The following DRD3 variants were observed in gnomAD, a reference collection of about 807,000 sequenced individuals.
DRD3 encodes the protein D(3) dopamine receptor.
DRD3 carries 19 observed loss-of-function variants against 36.3 expected under a neutral mutation model. The observed-to-expected ratio is 0.52, with a 90% CI of 0.36 to 0.77. The LOEUF is 0.77. DRD3 is among the 30% of genes least tolerant of loss of function. The pLI is 0.00. For missense variants in DRD3, 465 were observed against 505.3 expected (o/e 0.92, Z 0.77); for synonymous variants, 195 against 203.7 (o/e 0.96, Z 0.36).
chr3:114,179,795 A>G (rs2077936022), upstream of DRD3, among the ~76,000 whole-genome samples: 1 of 152,114 alleles, frequency 6.6e-6, no homozygotes, highest in South Asian at 2.1e-4. Context: ...CTCTTGTTTG[A>G]CTATGATGGA....
At chr3:114,142,651 A>G (rs1206509757) in intron 4 of DRD3, among the ~76,000 whole-genome samples, 1 of 152,202 alleles carries the variant, frequency 6.6e-6, no homozygotes, top group Non-Finnish European at 1.5e-5. Context: ...CTGGGGTAGA[A>G]GGGAGACCTA....
At chr3:114,189,077 C>T (rs898706881) in intron 1 of DRD3, among the ~76,000 whole-genome samples, 2 of 152,170 alleles carry the variant, frequency 1.3e-5, no homozygotes, top group African/African-American at 4.8e-5. Context: ...ATTTTATAGT[C>T]TATCTTTACC....
chr3:114,192,933 G>A (rs757592848), intron 1 of DRD3, among the ~76,000 whole-genome samples: 4 of 151,860 alleles, frequency 2.6e-5, no homozygotes, highest in South Asian at 4.2e-4. Context: ...ACCCCACTTC[G>A]TCTTTCCTAT....
chr3:114,147,338 C>A, intron 4 of DRD3, 77 bp downstream of exon 4: 1 of 1,559,438 alleles, frequency 6.4e-7, no homozygotes. Flanking sequence ...AATTGCAGGG[C>A]TGAGCACAAC....
chr3:114,182,487 T>C (rs2077953344), upstream of DRD3, among the ~76,000 whole-genome samples: 1 of 152,122 alleles, frequency 6.6e-6, no homozygotes, highest in African/African-American at 2.4e-5. Flanking sequence ...TAGTGGTTTT[T>C]TATATCTGCA....
intron 1 of DRD3, among the ~76,000 whole-genome samples, chr3:114,193,799 A>G (rs1030778003): frequency 3.9e-5 from 6 of 152,234 alleles, no homozygotes; most frequent in Non-Finnish European, 5.9e-5. Flanking sequence ...ATTAAAATAA[A>G]CATCTTAATT....
chr3:114,152,675 G>A (rs776644110), intron 3 of DRD3, among the ~76,000 whole-genome samples: 1 of 152,220 alleles, frequency 6.6e-6, no homozygotes. Context: ...TCACCTGGGG[G>A]CTCTCCAGGC....
At chr3:114,197,858 A>C (rs575302160) in intron 1 of DRD3, among the ~76,000 whole-genome samples, 2 of 152,268 alleles carry the variant, frequency 1.3e-5, no homozygotes, top group African/African-American at 2.4e-5. Flanking sequence ...ATATGTCTTC[A>C]AGTCAGGTGA....
chr3:114,142,624 T>G (rs534742200), intron 4 of DRD3, among the ~76,000 whole-genome samples: 2 of 152,302 alleles, frequency 1.3e-5, no homozygotes, highest in Admixed American at 1.3e-4. Flanking sequence ...GGGAGGGAGA[T>G]GGGAGAATGT....
chr3:114,142,142 TG>T (rs1436665141), intron 4 of DRD3, among the ~76,000 whole-genome samples: 7 of 135,254 alleles, frequency 5.2e-5, no homozygotes, highest in African/African-American at 1.4e-4. Flanking sequence ...TATTTGGGGG[TG>T]ATGGAGTTGG....
At chr3:114,142,429 T>C (rs2077534309) in intron 4 of DRD3, among the ~76,000 whole-genome samples, 3 of 152,308 alleles carry the variant, frequency 2.0e-5, no homozygotes, top group Admixed American at 1.3e-4. Context: ...CTCTGGGTTC[T>C]GGGAGGCTGA....
rs576444084 is a variant in DRD3, at chr3:114,137,327, G to T, written c.723+2173C>A. Among the ~76,000 whole-genome samples the T allele has an allele frequency of 5.3e-5, 8 of 152,340 alleles. No individual in the cohort carries two copies. The South Asian group carries it at 1.7e-3, about 32-fold the overall frequency. On this transcript the variant is annotated intron_variant, in intron 5 of 6. Coordinates refer to ENST00000383673, the MANE Select transcript of DRD3 (RefSeq NM_000796.6). ...GTGCAGACAAGAAGACTGGGCAGGGGGTGTAGAAGAAGGAACAGTTAGTTG... is the reference window on the plus strand; with the variant it reads ...GTGCAGACAAGAAGACTGGGCAGGGTGTGTAGAAGAAGGAACAGTTAGTTG...
At chr3:114,142,340 G>T (rs1000146064) in intron 4 of DRD3, among the ~76,000 whole-genome samples, 1 of 152,160 alleles carries the variant, frequency 6.6e-6, no homozygotes, top group Non-Finnish European at 1.5e-5. Flanking sequence ...GGGTGGCACT[G>T]CCCATCTTGT....
rs538253192 is a variant in DRD3, at chr3:114,198,491, G to A, written c.-156+782C>T. Among the ~76,000 whole-genome samples the A allele has an allele frequency of 2.6e-5, 4 of 152,162 alleles. No individual in the cohort carries two copies. The South Asian group carries it at 8.3e-4, about 32-fold the overall frequency. On this transcript the variant is annotated intron_variant, in intron 1 of 7. Coordinates refer to the DRD3 transcript ENST00000460779. ...GTTGCTATTATATAGAAATACAATT[G>A]CTTTTTATAGATTGATTTCGTATTC... is the stretch of plus-strand genomic sequence containing the variant.
intron 4 of DRD3, among the ~76,000 whole-genome samples, chr3:114,141,834 A>G (rs1242587024): frequency 1.3e-5 from 2 of 151,984 alleles, no homozygotes; most frequent in Admixed American, 6.6e-5. Context: ...GGTGGATCAC[A>G]AGGTCAGGAG....
chr3:114,181,692 C>T (rs2077948651), upstream of DRD3, among the ~76,000 whole-genome samples: 2 of 152,154 alleles, frequency 1.3e-5, no homozygotes, highest in South Asian at 2.1e-4. Flanking sequence ...ATGTTTTCAA[C>T]TTGAAGTGGC....
intron 4 of DRD3, among the ~76,000 whole-genome samples, chr3:114,142,196 A>G (rs1425244099): frequency 2.0e-5 from 3 of 151,918 alleles, no homozygotes; most frequent in Non-Finnish European, 4.4e-5. Flanking sequence ...CAGAATCTCT[A>G]GGGAGCCACG....
chr3:114,153,104 G>C (rs766740201), intron 3 of DRD3, among the ~76,000 whole-genome samples: 2 of 152,224 alleles, frequency 1.3e-5, no homozygotes, highest in Non-Finnish European at 2.9e-5. Flanking sequence ...CATGAGAAAC[G>C]GACTGATCAG....
chr3:114,164,341 G>A (rs2077763009), intron 2 of DRD3, among the ~76,000 whole-genome samples: 1 of 148,086 alleles, frequency 6.8e-6, no homozygotes, highest in South Asian at 2.2e-4. Flanking sequence ...GAATTATACA[G>A]CAACCAGGTG....
Sources: allele counts gnomAD v4.1 joint callset (sites outside exome capture counted in the v4.1 genomes callset), GRCh38; gene constraint gnomAD v4.1.1; transcripts MANE v1.5; gene names NCBI Gene and HGNC (gene_info 2026-07-23, HGNC 2026-07-21).